ZNF771: variants seen among roughly 807,000 people sequenced by gnomAD.
The protein encoded by ZNF771 is zinc finger protein 771, also known as mesenchymal stem cell protein DSC43.
A neutral mutation model predicts 27.6 loss-of-function variants in ZNF771; 10 were observed. The observed-to-expected ratio is 0.36, with a 90% CI of 0.22 to 0.61. The LOEUF (loss-of-function observed/expected upper bound fraction) is 0.61, where lower values mean the gene tolerates loss of function less well. Among genes scored for constraint, ZNF771 ranks in the 20% least tolerant of loss-of-function variants. The pLI is 0.70. For synonymous variants in ZNF771, 261 were observed against 225.2 expected (o/e 1.16, Z -1.43); for missense variants, 438 against 503.7 (o/e 0.87, Z 1.25).
intron 2 of ZNF771, chr16:30,413,446 T>C (rs1386605330): frequency 3.9e-6 from 1 of 257,524 alleles, no homozygotes; most frequent in Non-Finnish European, 8.1e-6. Context: ...ACTGATGAAA[T>C]TGTGGGTTTC....
At chr16:30,417,513 G>A in intron 2 of ZNF771, 42 bp from the exon 3 acceptor site, 1 of 1,193,568 alleles carries the variant, frequency 8.4e-7, no homozygotes, top group Admixed American at 4.4e-5. Context: ...TCTGGCTCCG[G>A]GGCCTGCCGC....
intron 2 of ZNF771, among the ~76,000 whole-genome samples, chr16:30,411,706 C>A (rs2050104602): frequency 6.6e-6 from 1 of 152,126 alleles, no homozygotes; most frequent in Non-Finnish European, 1.5e-5. Context: ...GCACACATAT[C>A]CCATGAACTG....
chr16:30,410,856 CAAAAAAAAAAAAAAA>C (rs71149015), intron 2 of ZNF771, among the ~76,000 whole-genome samples: 1 of 27,386 alleles, frequency 3.7e-5, no homozygotes, highest in African/African-American at 1.7e-4. Context: ...CTCATCTCTA[CAAAAAAAAAAAAAAA>C]AAAAAAAAAA....
Position 30,418,016 on chromosome 16 carries a change from G to T in ZNF771, c.603G>T (p.Arg201=). The T allele has an allele frequency of 6.8e-7, 1 of 1,461,738 alleles. No individual in the cohort carries two copies. The highest frequency in any genetic ancestry group is 1.4e-5 in the South Asian group (1 of 73,146). 90.5% of individuals were successfully genotyped at this position (1,461,738 alleles called of 1,614,324 possible). A position where few individuals can be genotyped will look rare whatever the true frequency, so the allele number is the denominator to read the frequency against. The change falls in exon 3 of 3, where the codon CGG becomes CGT. Residue 201 remains arginine, a synonymous_variant. Transcript: ENST00000319296. Reference sequence around the variant, plus strand: ...ACCGACGCACGCACACGGGCGAGCGGCCCTACGCTTGCGCCGACTGCGGCA... The same window carrying T: ...ACCGACGCACGCACACGGGCGAGCGTCCCTACGCTTGCGCCGACTGCGGCA... ...ARHRRTHTGE[R]PYACADCGTR...
rs571216265 is a variant in ZNF771 at position 30,418,295 on chromosome 16, G to A, written c.882G>A (p.Arg294=). The change falls in exon 3 of 3, where the codon AGG becomes AGA. Residue 294 remains arginine (R), a synonymous_variant. Coordinates refer to ENST00000319296, the MANE Select transcript of ZNF771 (RefSeq NM_001142305.2). ...RRLYICAGCG[R]DFKLPPGATA... is the part of the protein sequence containing the mutation. ...TGTATATTTGCGCCGGCTGCGGCAG[G>A]GACTTCAAGCTGCCCCCTGGCGCCA... 1.4e-5 allele frequency: 21 copies of A among 1,504,980 alleles called. No homozygotes were observed. In the African/African-American group the frequency reaches 2.6e-4, roughly 19 times the overall value. The allele number at this position is 1,504,980 out of a possible 1,614,324, so 93.2% of individuals were successfully genotyped here.
rs1244457261 is a variant in ZNF771, at chr16:30,418,193, C to G, written c.780C>G (p.Pro260=). 2 of 1,505,102 alleles carry G rather than the reference C, an allele frequency of 1.3e-6. No individual in the cohort carries two copies. The highest frequency in any genetic ancestry group is 1.8e-6 in the Non-Finnish European group (2 of 1,133,820). 93.2% of individuals were successfully genotyped at this position (1,505,102 alleles called of 1,614,324 possible). The change falls in exon 3 of 3, where the codon CCC becomes CCG. Residue 260 remains proline (P), a synonymous_variant. Transcript: ENST00000319296. ...CGCACACAGGCGAGCGGCCCTACCCCTGCGCCGAGTGCGGCCGCCGCTTCC... is the reference window on the plus strand; with the variant it reads ...CGCACACAGGCGAGCGGCCCTACCCGTGCGCCGAGTGCGGCCGCCGCTTCC... ...ARTHTGERPY[P]CAECGRRFRL... is the part of the protein sequence containing the mutation.
intron 2 of ZNF771, among the ~76,000 whole-genome samples, chr16:30,414,769 G>A (rs549386795): frequency 4.1e-4 from 62 of 149,662 alleles, no homozygotes; most frequent in African/African-American, 1.4e-3. Flanking sequence ...TCAGCCTCCC[G>A]CGTAGCTGGG....
Position 30,418,313 on chromosome 16 carries a change from T to C in ZNF771, c.900T>C (p.Pro300=). 6.7e-7 allele frequency: 1 copy of C among 1,488,398 alleles called. No individual in the cohort carries two copies. Among genetic ancestry groups the C allele is most frequent in the Non-Finnish European group, 8.9e-7 (1 of 1,123,566 alleles). 92.2% of individuals were successfully genotyped at this position (1,488,398 alleles called of 1,614,324 possible). A position where few individuals can be genotyped will look rare whatever the true frequency, so the allele number is the denominator to read the frequency against. The change falls in exon 3 of 3, where the codon CCT becomes CCC. Residue 300 remains proline (P), a synonymous_variant. Transcript: ENST00000319296. ...AGCGRDFKLP[P]GATAATATER... Reference sequence around the variant, plus strand: ...GCGGCAGGGACTTCAAGCTGCCCCCTGGCGCCACGGCCGCCACTGCCACCG... The same window carrying C: ...GCGGCAGGGACTTCAAGCTGCCCCCCGGCGCCACGGCCGCCACTGCCACCG...
intron 2 of ZNF771, among the ~76,000 whole-genome samples, chr16:30,414,946 C>CTTTTTTTT (rs71149016): frequency 8.4e-5 from 5 of 59,464 alleles, no homozygotes; most frequent in Non-Finnish European, 1.4e-4. Context: ...CGCCCGGCCT[C>CTTTTTTTT]TTTTTTTTTT....
At chr16:30,409,872 T>C (rs564954572) in intron 2 of ZNF771, among the ~76,000 whole-genome samples, 18 of 152,318 alleles carry the variant, frequency 1.2e-4, no homozygotes, top group Admixed American at 7.2e-4. Flanking sequence ...TTACCCGCTG[T>C]GTGACCTTGG....
intron 2 of ZNF771, among the ~76,000 whole-genome samples, chr16:30,413,201 T>G (rs576181055): frequency 1.0e-3 from 155 of 152,360 alleles, no homozygotes; most frequent in Non-Finnish European, 1.7e-3. Context: ...CTACATTGTA[T>G]GTTCACAGTA....
intron 2 of ZNF771, among the ~76,000 whole-genome samples, chr16:30,413,046 G>A (rs2050113469): frequency 6.6e-6 from 1 of 152,354 alleles, no homozygotes; most frequent in Non-Finnish European, 1.5e-5. Flanking sequence ...GGCACATGGT[G>A]AGTGCCCAAC....
chr16:30,411,904 G>T (rs1034623384), intron 2 of ZNF771, among the ~76,000 whole-genome samples: 1 of 152,118 alleles, frequency 6.6e-6, no homozygotes, highest in African/African-American at 2.4e-5. Context: ...GCATGCAGGG[G>T]CTGGAGTATT....
In ZNF771 at chr16:30,408,132, G is replaced by C; in HGVS notation, c.79G>C (p.Glu27Gln). ...EEMVLLVKGE[E>Q]DEGEEKYEVV... ...GATGGTGCTGCTGGTGAAGGGTGAG[G>C]AGGATGAGGGTGAGGAGAAGTATGA... The change falls in exon 2 of 3, where the codon GAG becomes CAG. Residue 27 changes from glutamate (E) to glutamine (Q), a missense_variant. This residue lies in a region of ZNF771 where 84 missense variants were observed against 89.2 expected (regional missense o/e 0.94). Transcript: ENST00000319296. 1 of 1,612,086 alleles carries C rather than the reference G, an allele frequency of 6.2e-7. No individual in the cohort carries two copies. The highest frequency in any genetic ancestry group is 2.2e-5 in the East Asian group (1 of 44,852).
At position 30,412,354 on chromosome 16, in the gene ZNF771, C is replaced by T. The variant is rs1307566642; in HGVS notation, c.141+4160C>T. Among the ~76,000 whole-genome samples the T allele has an allele frequency of 3.3e-5, 5 of 152,172 alleles. No homozygotes were observed. In the East Asian group the frequency reaches 9.6e-4, roughly 29 times the overall value. On this transcript the variant is annotated intron_variant, in intron 2 of 2. Transcript: ENST00000319296. ...GTTGATGTTGCTGGTCTGTGGACCA[C>T]ACATCCTCCAGCAAGGAACTAGAAG...
chr16:30,415,294 C>G (rs1255323204), intron 2 of ZNF771, among the ~76,000 whole-genome samples: 1 of 151,612 alleles, frequency 6.6e-6, no homozygotes, highest in East Asian at 1.9e-4. Flanking sequence ...CACAAAGCCA[C>G]TACCTTTTGA....
rs545393526 is a variant in ZNF771, at chr16:30,413,039, A to C, written c.142-4516A>C. Among the ~76,000 whole-genome samples, 3 of 152,378 alleles carry C rather than the reference A, an allele frequency of 2.0e-5. No homozygotes were observed. The East Asian group carries it at 5.8e-4, about 29-fold the overall frequency. ...AAAAGCACTTAGCACAGTTCCTGGC[A>C]CATGGTGAGTGCCCAACAAGTGGGA... On this transcript the variant is annotated intron_variant, in intron 2 of 2. Transcript: ENST00000319296.
At chr16:30,413,512 A>C in intron 2 of ZNF771, 1 of 277,860 alleles carries the variant, frequency 3.6e-6, no homozygotes, top group Non-Finnish European at 7.6e-6. Flanking sequence ...CAATTATGAG[A>C]CTTTTTTAAA....
intron 2 of ZNF771, 63 bp from the exon 3 acceptor site, chr16:30,417,492 A>G: frequency 9.0e-7 from 1 of 1,105,734 alleles, no homozygotes; most frequent in Non-Finnish European, 1.1e-6. Flanking sequence ...CAGCCTGTGG[A>G]GACCCAGGTC....
Sources: allele counts gnomAD v4.1 joint callset (sites outside exome capture counted in the v4.1 genomes callset), GRCh38; gene constraint gnomAD v4.1.1; regional missense constraint gnomAD v4.1.1; transcripts MANE v1.5; gene names NCBI Gene and HGNC (gene_info 2026-07-23, HGNC 2026-07-21).